The following L3MBTL2 variants were observed in gnomAD, a reference collection of about 807,000 sequenced individuals.
The protein encoded by L3MBTL2 is lethal(3)malignant brain tumor-like protein 2.
In L3MBTL2, 49 loss-of-function variants were observed where a neutral mutation model predicts 86.4. That is an observed-to-expected ratio of 0.57 (90% CI 0.45 to 0.72). The LOEUF (loss-of-function observed/expected upper bound fraction) is 0.72. Ranked by LOEUF, L3MBTL2 falls within the 30% of genes least tolerant of loss-of-function variation. The pLI is 0.00. For synonymous variants in L3MBTL2, 336 were observed against 350.6 expected (o/e 0.96, Z 0.47); for missense variants, 755 against 923.7 (o/e 0.82, Z 2.37).
At chr22:41,217,084 C>T (rs1480246061) in intron 4 of L3MBTL2, 39 bp from the exon 5 acceptor site, 10 of 1,566,274 alleles carry the variant, frequency 6.4e-6, no homozygotes, top group Middle Eastern at 3.4e-4. Context: ...GTGGCTGCTG[C>T]GCAGGCTCCT....
Position 41,205,319 on chromosome 22 carries a change from T to C in L3MBTL2, c.-44T>C. 1.9e-6 allele frequency: 3 copies of C among 1,613,158 alleles called. No individual in the cohort carries two copies. Among genetic ancestry groups the C allele is most frequent in the Non-Finnish European group, 2.5e-6 (3 of 1,179,202 alleles). The stretch of plus-strand genomic sequence containing the variant: ...CGCGGAGAGCGACGGGGCAGGCCAA[T>C]ATGGCTTCCTGCACCTGGTGACGCT... On this transcript the variant is annotated 5_prime_UTR_variant, in exon 1 of 17. Transcript: ENST00000216237.
chr22:41,227,544 CTG>C lies in L3MBTL2; in HGVS notation c.1822+223_1822+224del, dbSNP rs762162908. ...AGCTCCTTCCTTCATCTTGCCCACT[CTG>C]TCATATGTTCGTGCCCTTGTGCACC... On this transcript the variant is annotated intron_variant, in intron 14 of 16. Coordinates refer to ENST00000216237, the MANE Select transcript of L3MBTL2 (RefSeq NM_031488.5). The surrounding 1 kb of genome is among the most constrained non-coding windows in gnomAD (Gnocchi z 6.0). 9 of 1,512,398 alleles carry C rather than the reference CTG, an allele frequency of 6.0e-6. No individual in the cohort carries two copies. The Admixed American group carries it at 9.8e-5, about 16-fold the overall frequency. The allele number at this position is 1,512,398 out of a possible 1,614,324, so 93.7% of individuals were successfully genotyped here. A position where few individuals can be genotyped will look rare whatever the true frequency, so the allele number is the denominator to read the frequency against.
chr22:41,227,941 CG>C lies in L3MBTL2; in HGVS notation c.1888+77del. 1 of 1,569,732 alleles carries C rather than the reference CG, an allele frequency of 6.4e-7. No individual in the cohort carries two copies. The highest frequency in any genetic ancestry group is 8.6e-7 in the Non-Finnish European group (1 of 1,157,526). On this transcript the variant is annotated intron_variant, in intron 15 of 16. Coordinates refer to ENST00000216237, the MANE Select transcript of L3MBTL2 (RefSeq NM_031488.5). This position sits in a 1 kb window ranked among gnomAD's most constrained non-coding sequence, Gnocchi z 6.0. ...GTGGGCCTGCGTCCCTGGGAGCAGG[CG>C]GGGGTCAGCCCCCAGGCACTGGTTC...
chr22:41,219,650 G>C, intron 6 of L3MBTL2, 114 bp downstream of exon 6: 1 of 687,844 alleles, frequency 1.5e-6, no homozygotes, highest in Non-Finnish European at 2.6e-6. Context: ...CCCACCCACT[G>C]GAATTTTTGC....
In L3MBTL2 at chr22:41,227,359, T is replaced by A; in HGVS notation, c.1822+36T>A. On this transcript the variant is annotated intron_variant, in intron 14 of 16. Transcript: ENST00000216237. This position sits in a 1 kb window ranked among gnomAD's most constrained non-coding sequence, Gnocchi z 6.0. ...TCGTGGCCCTAAGAGGCTCTGACTT[T>A]CTTTCCTCTTCTTTTTTCCTTCTTC... The A allele has an allele frequency of 6.6e-7, 1 of 1,524,546 alleles. No individual in the cohort carries two copies. Among genetic ancestry groups the A allele is most frequent in the Non-Finnish European group, 8.9e-7 (1 of 1,122,050 alleles). 94.4% of individuals were successfully genotyped at this position (1,524,546 alleles called of 1,614,324 possible).
intron 6 of L3MBTL2, 72 bp from the exon 7 acceptor site, chr22:41,220,662 A>AAG: frequency 2.2e-6 from 3 of 1,369,700 alleles, no homozygotes; most frequent in Non-Finnish European, 2.9e-6. Context: ...CGTCTCAGAA[A>AAG]AAAAAAAAAA....
chr22:41,220,780 C>G lies in L3MBTL2; in HGVS notation c.765C>G (p.Ser255Arg). The G allele has an allele frequency of 4.3e-6, 7 of 1,614,006 alleles. No homozygotes were observed. The highest frequency in any genetic ancestry group is 5.1e-6 in the Non-Finnish European group (6 of 1,179,966). The change falls in exon 7 of 17, where the codon AGC (serine) becomes AGG (arginine). Residue 255 changes from serine (S) to arginine (R), a missense_variant. By Grantham distance (110) the Ser-to-Arg change is moderately radical. This residue lies in a region of L3MBTL2 where 634 missense variants were observed against 748.9 expected (regional missense o/e 0.85). Coordinates refer to ENST00000216237, the MANE Select transcript of L3MBTL2 (RefSeq NM_031488.5). Reference sequence around the variant, plus strand: ...ATGAAGGCTTTGAAAATGACGCCAGCCATGACTTCTGGTGCAACCTGGGAA... The same window carrying G: ...ATGAAGGCTTTGAAAATGACGCCAGGCATGACTTCTGGTGCAACCTGGGAA... ...LRYEGFENDA[S>R]HDFWCNLGTV...
rs781693955 is a variant in L3MBTL2, at chr22:41,230,250, G to A, written c.2117G>A (p.Ter706=). Residue 706 remains the stop codon, a stop_retained_variant, in exon 17 of 17, where the codon TGA becomes TAA. Coordinates refer to ENST00000216237, the MANE Select transcript of L3MBTL2 (RefSeq NM_031488.5). ...AACATCAAGCAGGAAACAGACGACT[G>A]AGCCTTCCTGCCTCCAGCCTGGCTT... is the stretch of plus-strand genomic sequence containing the variant. ...VENIKQETDD[*] 17 of 1,611,828 alleles carry A rather than the reference G, an allele frequency of 1.1e-5. No individual in the cohort carries two copies. Among genetic ancestry groups the A allele is most frequent in the Non-Finnish European group, 1.3e-5 (15 of 1,178,428 alleles).
rs144537556 is a variant in L3MBTL2 at position 41,210,249 on chromosome 22, A to G, written c.262+316A>G. ...ACTGCAACTTCCACCTCCTGAGTTC[A>G]AGTGATTCTCATGCCTCAGCCTTCC... is the stretch of plus-strand genomic sequence containing the variant. On this transcript the variant is annotated intron_variant, in intron 2 of 16. Transcript: ENST00000216237. 2.6e-4 allele frequency among the ~76,000 whole-genome samples: 39 copies of G among 148,404 alleles called. No homozygotes were observed. In the East Asian group the frequency reaches 6.2e-3, roughly 23 times the overall value.
chr22:41,229,761 T>A, intron 16 of L3MBTL2, 105 bp downstream of exon 16: 1 of 1,590,534 alleles, frequency 6.3e-7, no homozygotes, highest in South Asian at 1.1e-5. Context: ...TCAGGTTTCT[T>A]TGGCATTTTC....
chr22:41,225,142 C>A lies in L3MBTL2; in HGVS notation c.1356+71C>A, dbSNP rs1193825026. 1.7e-6 allele frequency: 2 copies of A among 1,210,932 alleles called. No individual in the cohort carries two copies. The highest frequency in any genetic ancestry group is 1.2e-6 in the Non-Finnish European group (1 of 846,678). The allele number at this position is 1,210,932 out of a possible 1,614,324, so 75.0% of individuals were successfully genotyped here. On this transcript the variant is annotated intron_variant, in intron 11 of 16. Transcript: ENST00000216237. The surrounding 1 kb of genome is among the most constrained non-coding windows in gnomAD (Gnocchi z 4.1). ...GGACCCATGTGGCCCAGAGCTCTAACCCCACTCGCCACCGTCAGGGGGTCT... is the reference window on the plus strand; with the variant it reads ...GGACCCATGTGGCCCAGAGCTCTAAACCCACTCGCCACCGTCAGGGGGTCT...
chr22:41,221,020 C>G (rs2031773625), intron 7 of L3MBTL2, 152 bp downstream of exon 7: 1 of 1,018,426 alleles, frequency 9.8e-7, no homozygotes. Flanking sequence ...ATCCCAGAGG[C>G]CTGGGGGCAG....
chr22:41,207,505 G>A (rs2030329523), intron 1 of L3MBTL2, among the ~76,000 whole-genome samples: 1 of 151,918 alleles, frequency 6.6e-6, no homozygotes, highest in Admixed American at 6.6e-5. Context: ...TTACAGGCAT[G>A]AGCCACCATG....
chr22:41,213,342 T>G (rs1797639180), intron 2 of L3MBTL2, among the ~76,000 whole-genome samples: 1 of 152,066 alleles, frequency 6.6e-6, no homozygotes, highest in African/African-American at 2.4e-5. Context: ...CGCTTTTTTT[T>G]GAGACAGTGT....
In L3MBTL2 at chr22:41,225,720, T is replaced by G. The variant is rs2032136114; in HGVS notation, c.1357-74T>G. The stretch of plus-strand genomic sequence containing the variant: ...GGATCCATTTGCCTCGTGTCCCTAT[T>G]GGGGTGCGGTACCAACCCAGGATGG... On this transcript the variant is annotated intron_variant, in intron 11 of 16. Coordinates refer to ENST00000216237, the MANE Select transcript of L3MBTL2 (RefSeq NM_031488.5). This position sits in a 1 kb window ranked among gnomAD's most constrained non-coding sequence, Gnocchi z 4.1. The G allele has an allele frequency of 6.6e-7, 1 of 1,507,522 alleles. No individual in the cohort carries two copies. The highest frequency in any genetic ancestry group is 1.4e-5 in the African/African-American group (1 of 72,788). The allele number at this position is 1,507,522 out of a possible 1,614,324, so 93.4% of individuals were successfully genotyped here.
At position 41,230,198 on chromosome 22, in the gene L3MBTL2, A is replaced by G. The variant is rs1169253227; in HGVS notation, c.2065A>G (p.Ser689Gly). 1.2e-6 allele frequency: 2 copies of G among 1,613,588 alleles called. No homozygotes were observed. The highest frequency in any genetic ancestry group is 8.5e-7 in the Non-Finnish European group (1 of 1,179,982). Residue 689 changes from serine (S) to glycine (G), a missense_variant, in exon 17 of 17, where the codon AGT becomes GGT. Coordinates refer to ENST00000216237, the MANE Select transcript of L3MBTL2 (RefSeq NM_031488.5). ...LDVASPDKASSPELPVSVENI... is the reference protein window; with the variant it reads ...LDVASPDKASGPELPVSVENI... ...CGTGGCCTCGCCCGACAAGGCTTCA[A>G]GTCCAGAGCTGCCTGTCTCCGTCGA...
intron 15 of L3MBTL2, among the ~76,000 whole-genome samples, chr22:41,229,213 C>T (rs1205605253): frequency 6.6e-6 from 1 of 152,198 alleles, no homozygotes; most frequent in Non-Finnish European, 1.5e-5. Context: ...ACTGTGATCA[C>T]CCCACTGTAC....
At chr22:41,229,744 A>G in intron 16 of L3MBTL2, 88 bp downstream of exon 16, 1 of 1,606,912 alleles carries the variant, frequency 6.2e-7, no homozygotes, top group Non-Finnish European at 8.5e-7. Context: ...GGCACAGAAG[A>G]GTAGAGTCAG....
At chr22:41,205,531 C>T (rs1466937088) in intron 1 of L3MBTL2, 145 bp downstream of exon 1, 55 of 994,662 alleles carry the variant, frequency 5.5e-5, no homozygotes, top group Non-Finnish European at 8.5e-5. Context: ...GAGCCAGGGG[C>T]AGAGGCAATT....
Sources: gnomAD v4.1 joint callset for allele counts (sites outside exome capture counted in the v4.1 genomes callset) on GRCh38, gnomAD v4.1.1 for gene constraint, gnomAD v4.1.1 regional missense constraint, Gnocchi (gnomAD v3.1) non-coding constraint, MANE v1.5 for transcripts, NCBI Gene and HGNC (gene_info 2026-07-23, HGNC 2026-07-21) for gene names.